Variants in USH2A observed in about 807,000 individuals in gnomAD.
The protein encoded by USH2A is usherin.
A neutral mutation model predicts 538.9 loss-of-function variants in USH2A; 443 were observed. The observed-to-expected ratio is 0.82, with a 90% CI of 0.76 to 0.89. The LOEUF (loss-of-function observed/expected upper bound fraction) is 0.89, where lower values mean the gene tolerates loss of function less well. USH2A is among the 40% of genes least tolerant of loss of function. USH2A has a pLI of 0.00. For synonymous variants in USH2A, 2,413 were observed against 2,273.5 expected, an observed-to-expected ratio of 1.06 and a Z score of -1.75; for missense variants, 6,633 against 6,324.8, an observed-to-expected ratio of 1.05 and a Z score of -1.65.
At chr1:215,844,751 TATG>T (rs1663792891) in intron 45 of USH2A, among the ~76,000 whole-genome samples, 1 of 152,192 alleles carries the variant, frequency 6.6e-6, no homozygotes, top group Non-Finnish European at 1.5e-5. Context: ...ACCAGTGGGA[TATG>T]ATGATAAATT....
chr1:216,338,929 A>T (rs778086049), intron 4 of USH2A, among the ~76,000 whole-genome samples: 13 of 151,674 alleles, frequency 8.6e-5, no homozygotes, highest in Non-Finnish European at 1.5e-4. Flanking sequence ...TAGGAAGGCA[A>T]ATTGGTTCAA....
At chr1:216,330,640 T>C (rs1200637017) in intron 4 of USH2A, among the ~76,000 whole-genome samples, 2 of 151,880 alleles carry the variant, frequency 1.3e-5, no homozygotes, top group African/African-American at 2.4e-5. Flanking sequence ...GAGGTACAAA[T>C]TGTTATATAT....
intron 13 of USH2A, among the ~76,000 whole-genome samples, chr1:216,243,885 A>C (rs1213045900): frequency 2.0e-5 from 3 of 152,206 alleles, no homozygotes; most frequent in Non-Finnish European, 2.9e-5. Context: ...CAGAAAAAAG[A>C]AGCATAATTA....
At chr1:216,205,765 GT>G (rs2035098924) in intron 16 of USH2A, among the ~76,000 whole-genome samples, 1 of 152,104 alleles carries the variant, frequency 6.6e-6, no homozygotes, top group Admixed American at 6.5e-5. Context: ...CTGTTCCGAG[GT>G]TTCTTAAACT....
At chr1:216,180,070 C>G (rs977043378) in intron 20 of USH2A, among the ~76,000 whole-genome samples, 29 of 152,006 alleles carry the variant, frequency 1.9e-4, no homozygotes, top group Admixed American at 6.6e-4. Context: ...TACATATTTG[C>G]TTTATGTTTT....
intron 32 of USH2A, among the ~76,000 whole-genome samples, chr1:216,021,673 C>A (rs1274513642): frequency 6.6e-6 from 1 of 152,128 alleles, no homozygotes; most frequent in East Asian, 1.9e-4. Context: ...GTCATGTGAG[C>A]CAATTCCTTA....
At chr1:216,068,491 G>A (rs893766082) in intron 30 of USH2A, among the ~76,000 whole-genome samples, 1 of 152,144 alleles carries the variant, frequency 6.6e-6, no homozygotes, top group Non-Finnish European at 1.5e-5. Flanking sequence ...GGCGGGTGTG[G>A]GGTGGGCAGG....
chr1:216,140,448 T>C (rs1312612743), intron 21 of USH2A, among the ~76,000 whole-genome samples: 1 of 152,194 alleles, frequency 6.6e-6, no homozygotes, highest in African/African-American at 2.4e-5. Context: ...TTTATTGTTT[T>C]CAATAAATAT....
chr1:216,107,060 A>G (rs887032984), intron 21 of USH2A, among the ~76,000 whole-genome samples: 1 of 151,896 alleles, frequency 6.6e-6, no homozygotes, highest in Non-Finnish European at 1.5e-5. Flanking sequence ...TAGTGTACAT[A>G]CTTTCAAATA....
rs186000324 is a variant in USH2A at position 216,405,450 on chromosome 1, G to C, written c.651+13064C>G. On this transcript the variant is annotated intron_variant, in intron 3 of 71. Coordinates refer to ENST00000307340, the MANE Select transcript of USH2A (RefSeq NM_206933.4). Reference sequence around the variant, plus strand: ...CATGAAAATATGCTGAACACCATTAGTCATTAAAGAAATGCAAAATAAAAC... The same window carrying C: ...CATGAAAATATGCTGAACACCATTACTCATTAAAGAAATGCAAAATAAAAC... Among the ~76,000 whole-genome samples the C allele has an allele frequency of 9.1e-4, 139 of 152,266 alleles. No homozygotes were observed. The Middle Eastern group carries it at 0.027, about 30-fold the overall frequency.
chr1:215,937,097 C>A (rs961972896), intron 37 of USH2A, among the ~76,000 whole-genome samples: 2 of 151,790 alleles, frequency 1.3e-5, no homozygotes, highest in South Asian at 2.1e-4. Flanking sequence ...TTACTCTGGA[C>A]CCAAAATTGG....
chr1:215,910,693 G>A (rs1665759606), intron 38 of USH2A, among the ~76,000 whole-genome samples: 1 of 151,704 alleles, frequency 6.6e-6, no homozygotes, highest in Admixed American at 6.6e-5. Flanking sequence ...TTATTTCTTA[G>A]TAACATCAAT....
At chr1:215,713,141 C>T (rs1277771033) in intron 61 of USH2A, among the ~76,000 whole-genome samples, 1 of 152,190 alleles carries the variant, frequency 6.6e-6, no homozygotes, top group Non-Finnish European at 1.5e-5. Flanking sequence ...AAATTCTGGA[C>T]TAGTATCTCC....
intron 21 of USH2A, among the ~76,000 whole-genome samples, chr1:216,107,120 G>C (rs899564409): frequency 4.0e-5 from 6 of 151,670 alleles, no homozygotes; most frequent in South Asian, 2.1e-4. Context: ...TTCCAGTTTT[G>C]TATAGAATGT....
intron 61 of USH2A, among the ~76,000 whole-genome samples, chr1:215,701,781 T>C (rs1659025893): frequency 1.3e-5 from 2 of 152,342 alleles, no homozygotes; most frequent in Middle Eastern, 6.8e-3. Context: ...AATTTGCCAG[T>C]CTGTGTCTTT....
At chr1:216,147,632 C>T (rs910028081) in intron 21 of USH2A, among the ~76,000 whole-genome samples, 61 of 151,096 alleles carry the variant, frequency 4.0e-4, no homozygotes, top group Non-Finnish European at 5.6e-4. Context: ...TAAATTCCAG[C>T]CCGCAAACCC....
chr1:215,825,913 C>T (rs1663139644), intron 47 of USH2A, among the ~76,000 whole-genome samples: 1 of 152,110 alleles, frequency 6.6e-6, no homozygotes, highest in Non-Finnish European at 1.5e-5. Context: ...TAAAAAGGAA[C>T]ACACATTTCC....
intron 46 of USH2A, among the ~76,000 whole-genome samples, chr1:215,839,524 C>T (rs1663618267): frequency 6.6e-6 from 1 of 152,126 alleles, no homozygotes; most frequent in African/African-American, 2.4e-5. Flanking sequence ...ACTTTAAGCT[C>T]TAAACTACTT....
chr1:215,810,711 A>G (rs1409981326), intron 49 of USH2A, among the ~76,000 whole-genome samples: 1 of 152,188 alleles, frequency 6.6e-6, no homozygotes, highest in Non-Finnish European at 1.5e-5. Context: ...AAAACTCCCC[A>G]AATTTAAGTT....
Sources: allele counts gnomAD v4.1 joint callset (sites outside exome capture counted in the v4.1 genomes callset), GRCh38; gene constraint gnomAD v4.1.1; transcripts MANE v1.5; gene names NCBI Gene and HGNC (gene_info 2026-07-23, HGNC 2026-07-21).